The following KCTD16 variants were observed in gnomAD, a reference collection of about 807,000 sequenced individuals.
KCTD16 encodes the protein potassium channel tetramerization domain containing 16.
In KCTD16, 13 loss-of-function variants were observed where a neutral mutation model predicts 33.2. The ratio of observed to expected loss-of-function variants is 0.39; its 90% CI spans 0.25 to 0.62. The LOEUF (loss-of-function observed/expected upper bound fraction) is 0.62, where lower values mean the gene tolerates loss of function less well. Among genes scored for constraint, KCTD16 ranks in the 20% least tolerant of loss-of-function variants. The probability of loss-of-function intolerance (pLI) is 0.50; values close to 1 mark genes in which losing one functional copy is unlikely to be tolerated. For missense variants in KCTD16, 441 were observed against 525.1 expected, an observed-to-expected ratio of 0.84 and a Z score of 1.57; for synonymous variants, 197 against 195.3, an observed-to-expected ratio of 1.01 and a Z score of -0.07.
intron 3 of KCTD16, among the ~76,000 whole-genome samples, chr5:144,409,163 C>T: frequency 6.6e-6 from 1 of 152,178 alleles, no homozygotes; most frequent in East Asian, 1.9e-4. Flanking sequence ...TTCATCCTTT[C>T]CATCACTGAA....
chr5:144,231,832 C>T (rs1310048491), intron 3 of KCTD16, among the ~76,000 whole-genome samples: 1 of 152,190 alleles, frequency 6.6e-6, no homozygotes, highest in Non-Finnish European at 1.5e-5. Flanking sequence ...CCCAGCCATG[C>T]TGAACTGTGA....
intron 3 of KCTD16, among the ~76,000 whole-genome samples, chr5:144,447,098 G>T (rs1460532793): frequency 6.6e-6 from 1 of 151,894 alleles, no homozygotes; most frequent in East Asian, 1.9e-4. Flanking sequence ...CTATAAAGAC[G>T]CATAAACACG....
intron 3 of KCTD16, among the ~76,000 whole-genome samples, chr5:144,328,493 G>T (rs904512119): frequency 6.6e-6 from 1 of 151,974 alleles, no homozygotes; most frequent in African/African-American, 2.4e-5. Flanking sequence ...ACCAGGAAGC[G>T]AATATCCTCT....
At chr5:144,300,607 A>G (rs1316512159) in intron 3 of KCTD16, among the ~76,000 whole-genome samples, 1 of 152,194 alleles carries the variant, frequency 6.6e-6, no homozygotes, top group Non-Finnish European at 1.5e-5. Context: ...CCAACTCATC[A>G]CAGAGATCAT....
In KCTD16 at chr5:144,303,636, T is replaced by G. The variant is rs987603374; in HGVS notation, c.832+96090T>G. ...TTAAAACATCTAAAACTCTTCATTA[T>G]CAACTCTTTATTTTTCAGGCCACTA... On this transcript the variant is annotated intron_variant, in intron 3 of 3. Transcript: ENST00000512467. Among the ~76,000 whole-genome samples, 4 of 151,976 alleles carry G rather than the reference T, an allele frequency of 2.6e-5. No homozygotes were observed. In the East Asian group the frequency reaches 7.7e-4, roughly 29 times the overall value.
chr5:144,478,597 CA>C lies in KCTD16; in HGVS notation c.*4484del, dbSNP rs1478696145. 3 of 152,016 alleles carry C rather than the reference CA, an allele frequency of 2.0e-5. No homozygotes were observed. The highest frequency in any genetic ancestry group is 3.9e-4 in the East Asian group (2 of 5,178). The allele number at this position is 152,016 out of a possible 1,614,324, so 9.4% of individuals were successfully genotyped here. ...AAGAGTCTGATTCAGAAACTTGAAG[CA>C]GGGCAAAGAAATTTGTATTTTGAGC... On this transcript the variant is annotated 3_prime_UTR_variant, in exon 4 of 4. Coordinates refer to ENST00000512467, the MANE Select transcript of KCTD16 (RefSeq NM_020768.4).
intron 3 of KCTD16, among the ~76,000 whole-genome samples, chr5:144,258,351 A>C (rs903343726): frequency 8.6e-5 from 13 of 151,916 alleles, no homozygotes; most frequent in African/African-American, 2.9e-4. Context: ...TATAATATAG[A>C]GTACAGTTAT....
At position 144,308,766 on chromosome 5, in the gene KCTD16, T is replaced by G. The variant is rs539048624; in HGVS notation, c.832+101220T>G. Among the ~76,000 whole-genome samples the G allele has an allele frequency of 1.7e-4, 21 of 122,748 alleles. No individual in the cohort carries two copies. In the South Asian group the frequency reaches 2.0e-3, roughly 12 times the overall value. 80.5% of individuals were successfully genotyped at this position (122,748 alleles called of 152,430 possible). A position where few individuals can be genotyped will look rare whatever the true frequency, so the allele number is the denominator to read the frequency against. ...TCCATCCTCAGATTGTGGGGTGGGG[T>G]GGGGTAGGGTGGGTGCAAAACCCTT... On this transcript the variant is annotated intron_variant, in intron 3 of 3. Coordinates refer to ENST00000512467, the MANE Select transcript of KCTD16 (RefSeq NM_020768.4).
intron 3 of KCTD16, among the ~76,000 whole-genome samples, chr5:144,306,164 A>C (rs777233598): frequency 6.6e-6 from 1 of 152,348 alleles, no homozygotes; most frequent in South Asian, 2.1e-4. Context: ...TCCCATGCTC[A>C]GAGTTTATAA....
At chr5:144,399,903 T>G (rs1752664794) in intron 3 of KCTD16, among the ~76,000 whole-genome samples, 1 of 152,168 alleles carries the variant, frequency 6.6e-6, no homozygotes, top group African/African-American at 2.4e-5. Context: ...CTTCTTTTTT[T>G]GAGAATATAA....
intron 3 of KCTD16, among the ~76,000 whole-genome samples, chr5:144,292,904 C>T (rs1452157777): frequency 2.6e-5 from 4 of 152,088 alleles, no homozygotes; most frequent in East Asian, 1.9e-4. Context: ...TTGGGCTGCC[C>T]AGGAAGGGCC....
chr5:144,329,745 C>G (rs1232434766), intron 3 of KCTD16, among the ~76,000 whole-genome samples: 1 of 152,162 alleles, frequency 6.6e-6, no homozygotes, highest in Non-Finnish European at 1.5e-5. Context: ...AACAGAAACA[C>G]AAGTAGTTGC....
At chr5:144,299,059 TATATATATA>T (rs1561558152) in intron 3 of KCTD16, among the ~76,000 whole-genome samples, 5 of 93,410 alleles carry the variant, frequency 5.4e-5, no homozygotes, top group African/African-American at 1.6e-4. Context: ...TATATATATA[TATATATATA>T]TATATTTTTG....
chr5:144,194,142 A>G (rs574130531), intron 2 of KCTD16, among the ~76,000 whole-genome samples: 2 of 152,132 alleles, frequency 1.3e-5, no homozygotes, highest in Admixed American at 1.3e-4. Flanking sequence ...ACAAGGGGGA[A>G]TATTTAGGAA....
chr5:144,319,466 A>C (rs1006180996), intron 3 of KCTD16, among the ~76,000 whole-genome samples: 2 of 152,194 alleles, frequency 1.3e-5, no homozygotes, highest in African/African-American at 4.8e-5. Flanking sequence ...AACATGTTAA[A>C]GGTTAGCTCA....
chr5:144,440,503 T>C (rs1753680389), intron 3 of KCTD16, among the ~76,000 whole-genome samples: 1 of 152,178 alleles, frequency 6.6e-6, no homozygotes, highest in Non-Finnish European at 1.5e-5. Context: ...TATATGACTT[T>C]TTGATAGCCT....
At chr5:144,210,120 G>A (rs1452370424) in intron 3 of KCTD16, among the ~76,000 whole-genome samples, 1 of 151,768 alleles carries the variant, frequency 6.6e-6, no homozygotes, top group Non-Finnish European at 1.5e-5. Context: ...TTTCTTCTGA[G>A]TCTTCCAAGA....
At chr5:144,442,066 A>G (rs1248507356) in intron 3 of KCTD16, among the ~76,000 whole-genome samples, 3 of 152,120 alleles carry the variant, frequency 2.0e-5, no homozygotes, top group Admixed American at 1.3e-4. Context: ...TTAAATTTAT[A>G]TGTTCAAATT....
At chr5:144,304,547 A>G (rs1252420399) in intron 3 of KCTD16, among the ~76,000 whole-genome samples, 1 of 152,018 alleles carries the variant, frequency 6.6e-6, no homozygotes, top group Non-Finnish European at 1.5e-5. Context: ...GACAGGTTGC[A>G]TTTTTTCATT....
Sources: allele counts gnomAD v4.1 joint callset (sites outside exome capture counted in the v4.1 genomes callset), GRCh38; gene constraint gnomAD v4.1.1; transcripts MANE v1.5; gene names NCBI Gene and HGNC (gene_info 2026-07-23, HGNC 2026-07-21).